The following GRIK4 variants were observed in gnomAD, a reference collection of about 807,000 sequenced individuals.
The protein encoded by GRIK4 is glutamate receptor ionotropic, kainate 4.
In GRIK4, 40 loss-of-function variants were observed where a neutral mutation model predicts 104.9. The observed-to-expected ratio is 0.38, with a 90% CI of 0.30 to 0.50. The LOEUF is 0.50. Among genes scored for constraint, GRIK4 ranks in the 20% least tolerant of loss-of-function variants. The pLI, the probability that GRIK4 is intolerant of heterozygous loss-of-function variation, is 0.93. For synonymous variants in GRIK4, 485 were observed against 524.9 expected (o/e 0.92, Z 1.04); for missense variants, 1,047 against 1,308.1 (o/e 0.80, Z 3.08).
intron 1 of GRIK4, among the ~76,000 whole-genome samples, chr11:120,628,297 G>A (rs1435128892): frequency 6.6e-6 from 1 of 152,178 alleles, no homozygotes; most frequent in African/African-American, 2.4e-5. Flanking sequence ...TATGCTTGGA[G>A]GAATCATCAA....
chr11:120,587,375 A>C (rs1948680304), intron 1 of GRIK4, among the ~76,000 whole-genome samples: 1 of 152,092 alleles, frequency 6.6e-6, no homozygotes, highest in Non-Finnish European at 1.5e-5. Flanking sequence ...TGGAAAGGAG[A>C]CCGTGAGCTT....
At chr11:120,664,891 C>G (rs1368319045) in intron 3 of GRIK4, among the ~76,000 whole-genome samples, 1 of 152,174 alleles carries the variant, frequency 6.6e-6, no homozygotes, top group Non-Finnish European at 1.5e-5. Flanking sequence ...TTAGACACAT[C>G]AGCAGGTTAT....
chr11:120,796,626 G>T (rs1952523622), intron 3 of GRIK4, among the ~76,000 whole-genome samples: 1 of 152,102 alleles, frequency 6.6e-6, no homozygotes, highest in Non-Finnish European at 1.5e-5. Flanking sequence ...GACAGGGACA[G>T]CATTGGCAAA....
intron 3 of GRIK4, among the ~76,000 whole-genome samples, chr11:120,785,285 G>T (rs958567248): frequency 6.6e-6 from 1 of 152,226 alleles, no homozygotes; most frequent in African/African-American, 2.4e-5. Context: ...AGCTTGCCCA[G>T]ATGTAGCTGG....
intron 3 of GRIK4, among the ~76,000 whole-genome samples, chr11:120,786,271 C>T (rs1952270761): frequency 6.6e-6 from 1 of 152,212 alleles, no homozygotes; most frequent in Non-Finnish European, 1.5e-5. Flanking sequence ...TGATCCTCTG[C>T]TTCTAAAACC....
chr11:120,891,162 C>G (rs57657899), intron 11 of GRIK4, among the ~76,000 whole-genome samples: 7,476 of 152,202 alleles, frequency 0.049, 566 homozygotes, highest in African/African-American at 0.17. Flanking sequence ...GCAGGGCGTG[C>G]AAGTTCCAGG....
intron 3 of GRIK4, among the ~76,000 whole-genome samples, chr11:120,697,592 G>A (rs1565301149): frequency 6.6e-6 from 1 of 152,190 alleles, no homozygotes; most frequent in African/African-American, 2.4e-5. Context: ...TCCAGTCTGG[G>A]CGACAGAGTG....
intron 3 of GRIK4, among the ~76,000 whole-genome samples, chr11:120,728,787 T>A (rs1450685111): frequency 1.3e-5 from 2 of 152,160 alleles, no homozygotes; most frequent in African/African-American, 4.8e-5. Flanking sequence ...TAGTTATTTT[T>A]AAATGTACAA....
intron 3 of GRIK4, among the ~76,000 whole-genome samples, chr11:120,748,693 C>T (rs1951491718): frequency 6.6e-6 from 1 of 152,210 alleles, no homozygotes; most frequent in African/African-American, 2.4e-5. Flanking sequence ...TGACCATTCA[C>T]AGTGGCACTC....
intron 7 of GRIK4, among the ~76,000 whole-genome samples, chr11:120,833,376 G>A (rs879469708): frequency 1.3e-5 from 2 of 151,916 alleles, no homozygotes; most frequent in Admixed American, 6.6e-5. Context: ...CTGGAGCCAT[G>A]ATCAATGAAG....
chr11:120,875,966 A>G (rs1293631609), intron 11 of GRIK4, among the ~76,000 whole-genome samples: 1 of 152,090 alleles, frequency 6.6e-6, no homozygotes, highest in East Asian at 1.9e-4. Flanking sequence ...GCAGCCTTAG[A>G]AAAGGCTGGT....
chr11:120,618,933 G>T (rs937645104), intron 1 of GRIK4, among the ~76,000 whole-genome samples: 2 of 152,220 alleles, frequency 1.3e-5, no homozygotes, highest in African/African-American at 4.8e-5. Flanking sequence ...GAAGTATGGG[G>T]TTGGAGCCTC....
intron 1 of GRIK4, among the ~76,000 whole-genome samples, chr11:120,589,849 G>C (rs1346294652): frequency 6.6e-6 from 1 of 152,186 alleles, no homozygotes; most frequent in Non-Finnish European, 1.5e-5. Flanking sequence ...TGCTTGGGCA[G>C]CTGGCATTTT....
intron 10 of GRIK4, among the ~76,000 whole-genome samples, chr11:120,874,841 A>C (rs1284638390): frequency 6.6e-6 from 1 of 151,978 alleles, no homozygotes; most frequent in African/African-American, 2.4e-5. Context: ...GGCCTGGAGG[A>C]GGGGCTGAGG....
chr11:120,688,449 T>G (rs570277204), intron 3 of GRIK4, among the ~76,000 whole-genome samples: 1 of 152,276 alleles, frequency 6.6e-6, no homozygotes, highest in Non-Finnish European at 1.5e-5. Flanking sequence ...GGCATTCCCT[T>G]GAGTGTCTGG....
At chr11:120,899,369 C>T (rs558490928) in intron 12 of GRIK4, among the ~76,000 whole-genome samples, 47 of 146,070 alleles carry the variant, frequency 3.2e-4, no homozygotes, top group African/African-American at 1.1e-3. Flanking sequence ...TGCAGTGAGC[C>T]GAGATCGTGC....
At chr11:120,901,198 C>T (rs538894199) in intron 12 of GRIK4, among the ~76,000 whole-genome samples, 1 of 152,260 alleles carries the variant, frequency 6.6e-6, no homozygotes, top group African/African-American at 2.4e-5. Context: ...TCAGCCACTG[C>T]CCAGGCCCTG....
rs193262602 is a variant in GRIK4 at position 120,651,414 on chromosome 11, T to C, written c.-158-2271T>C. 3.3e-5 allele frequency among the ~76,000 whole-genome samples: 5 copies of C among 152,242 alleles called. No homozygotes were observed. The East Asian group carries it at 9.6e-4, about 29-fold the overall frequency. On this transcript the variant is annotated intron_variant, in intron 1 of 20. Coordinates refer to ENST00000527524, the MANE Select transcript of GRIK4 (RefSeq NM_014619.5). ...TATCATGTCTCTGGGGAGGGGCCATTGTTTAGAGGTGCATTAGGGGTCTGA... is the reference window on the plus strand; with the variant it reads ...TATCATGTCTCTGGGGAGGGGCCATCGTTTAGAGGTGCATTAGGGGTCTGA...
chr11:120,604,996 G>T (rs998541755), intron 1 of GRIK4, among the ~76,000 whole-genome samples: 7 of 152,094 alleles, frequency 4.6e-5, no homozygotes, highest in Non-Finnish European at 1.0e-4. Flanking sequence ...CCGAGTAGCC[G>T]GGACCACTGG....
Sources: gnomAD v4.1 joint callset for allele counts (sites outside exome capture counted in the v4.1 genomes callset) on GRCh38, gnomAD v4.1.1 for gene constraint, MANE v1.5 for transcripts, NCBI Gene and HGNC (gene_info 2026-07-23, HGNC 2026-07-21) for gene names.